The following VPS52 variants were observed in gnomAD, a reference collection of about 807,000 sequenced individuals.
VPS52 encodes the protein VPS52 subunit of GARP complex.
VPS52 carries 56 observed loss-of-function variants against 98.7 expected under a neutral mutation model. The observed-to-expected ratio is 0.57, with a 90% CI of 0.46 to 0.71. The LOEUF (loss-of-function observed/expected upper bound fraction) is 0.71, where lower values mean the gene tolerates loss of function less well. VPS52 is among the 30% of genes least tolerant of loss of function. The pLI is 0.00. For synonymous variants in VPS52, 348 were observed against 346.4 expected (o/e 1.00, Z -0.05); for missense variants, 742 against 925.9 (o/e 0.80, Z 2.58).
chr6:33,265,738 G>A (rs1197693320), intron 12 of VPS52, among the ~76,000 whole-genome samples: 5 of 152,184 alleles, frequency 3.3e-5, no homozygotes, highest in Admixed American at 6.6e-5. Context: ...TCAGGGGTTT[G>A]AGCACCAAGA....
At chr6:33,270,105 A>G (rs1764823022) in intron 2 of VPS52, 54 bp from the exon 3 acceptor site, 3 of 1,613,086 alleles carry the variant, frequency 1.9e-6, no homozygotes. Flanking sequence ...CTCTCCCCAC[A>G]TTGAGTATCT....
chr6:33,266,676 C>A lies in VPS52; in HGVS notation c.1162G>T (p.Ala388Ser). 1 of 1,612,004 alleles carries A rather than the reference C, an allele frequency of 6.2e-7. No individual in the cohort carries two copies. Residue 388 changes from alanine to serine, a missense_variant, in exon 12 of 20, where the codon GCC (alanine) becomes TCC (serine). Physicochemically the swap from Ala to Ser is moderately conservative, Grantham distance 99 (BLOSUM62 1). Around this residue, in one of 2 missense-constraint regions of VPS52, gnomAD observed 590 missense variants for 793.3 expected, o/e 0.74. Coordinates refer to ENST00000445902, the MANE Select transcript of VPS52 (RefSeq NM_022553.6). The part of the protein sequence containing the change: ...FEALFRSQHY[A>S]LLDNSCREYL... ...TCGCGGCAGGAATTGTCTAGGAGGGCGTAGTGCTGGCTGCGGAAGAGGGCC... is the reference window on the plus strand; with the variant it reads ...TCGCGGCAGGAATTGTCTAGGAGGGAGTAGTGCTGGCTGCGGAAGAGGGCC...
At chr6:33,252,081 C>A in intron 17 of VPS52, 110 bp from the exon 18 acceptor site, 1 of 875,810 alleles carries the variant, frequency 1.1e-6, no homozygotes, top group South Asian at 1.6e-5. Flanking sequence ...TCAGCTGCTG[C>A]AAAAGTTAAG....
chr6:33,259,018 C>G lies in VPS52; in HGVS notation c.1794+4466G>C, dbSNP rs1678372241. ...GACCCGGCAACGGATGAATGAGGTA[C>G]ACTGACACACAGATACTCTGCTTTG... On this transcript the variant is annotated intron_variant, in intron 17 of 19. Transcript: ENST00000445902. Among the ~76,000 whole-genome samples the G allele has an allele frequency of 1.3e-5, 2 of 152,180 alleles. 1 individual carries two copies. Among genetic ancestry groups the G allele is most frequent in the South Asian group, 4.1e-4 (2 of 4,832 alleles).
At chr6:33,265,455 C>CTGTTT (rs1360047329) in intron 12 of VPS52, among the ~76,000 whole-genome samples, 1 of 152,176 alleles carries the variant, frequency 6.6e-6, no homozygotes, top group East Asian at 1.9e-4. Context: ...CAGCCTCAAA[C>CTGTTT]ATCTGGGCTC....
At chr6:33,260,565 G>A (rs550491434) in intron 17 of VPS52, among the ~76,000 whole-genome samples, 32 of 152,114 alleles carry the variant, frequency 2.1e-4, no homozygotes, top group African/African-American at 3.1e-4. Context: ...TGTGCTTCTC[G>A]TGCACAGGTA....
chr6:33,268,504 C>A lies in VPS52; in HGVS notation c.694G>T (p.Val232Phe). The part of the protein sequence containing the change: ...DVRGVLDRLR[V>F]KAVTKIREFI... Reference sequence around the variant, plus strand: ...TATCCATCCCTACTTCCCACCTTGACCCGGAGCCGATCGAGCACGCCTCTG... The same window carrying A: ...TATCCATCCCTACTTCCCACCTTGAACCGGAGCCGATCGAGCACGCCTCTG... The change falls in exon 7 of 20, where the codon GTC (valine) becomes TTC (phenylalanine). Residue 232 changes from valine to phenylalanine, a missense_variant. Coordinates refer to ENST00000445902, the MANE Select transcript of VPS52 (RefSeq NM_022553.6). The surrounding 1 kb of genome is among the most constrained non-coding windows in gnomAD (Gnocchi z 4.0). 6.2e-7 allele frequency: 1 copy of A among 1,600,298 alleles called. No individual in the cohort carries two copies. Among genetic ancestry groups the A allele is most frequent in the Non-Finnish European group, 8.5e-7 (1 of 1,171,852 alleles).
chr6:33,253,351 G>A (rs1581548858), intron 17 of VPS52, among the ~76,000 whole-genome samples: 2 of 152,072 alleles, frequency 1.3e-5, no homozygotes, highest in East Asian at 1.9e-4. Flanking sequence ...TTAGCTGGGC[G>A]TGGTGGTGGG....
chr6:33,256,359 G>T (rs1488003333), intron 17 of VPS52, among the ~76,000 whole-genome samples: 1 of 150,492 alleles, frequency 6.6e-6, no homozygotes, highest in African/African-American at 2.4e-5. Flanking sequence ...TAGCTACTCG[G>T]GAGGCTGAGA....
At position 33,267,757 on chromosome 6, in the gene VPS52, A is replaced by C. The variant is rs1044117412; in HGVS notation, c.934-18T>G. 30 of 1,612,942 alleles carry C rather than the reference A, an allele frequency of 1.9e-5. No individual in the cohort carries two copies. The highest frequency in any genetic ancestry group is 2.7e-5 in the African/African-American group (2 of 74,908). On this transcript the variant is annotated intron_variant, in intron 9 of 19. Coordinates refer to ENST00000445902, the MANE Select transcript of VPS52 (RefSeq NM_022553.6). This position sits in a 1 kb window ranked among gnomAD's most constrained non-coding sequence, Gnocchi z 4.2. Reference sequence around the variant, plus strand: ...TCCTCATACTAAGGAAAGAGAAAAGAGAACTGATAACCGTCTCTTCCCACA... The same window carrying C: ...TCCTCATACTAAGGAAAGAGAAAAGCGAACTGATAACCGTCTCTTCCCACA...
chr6:33,264,538 T>A (rs571793573), intron 13 of VPS52, 41 bp from the exon 14 acceptor site: 17 of 1,611,844 alleles, frequency 1.1e-5, no homozygotes, highest in Non-Finnish European at 1.4e-5. Flanking sequence ...CAGCAAGGAA[T>A]GTTGGAGGGG....
Position 33,268,002 on chromosome 6 carries a change from G to A in VPS52, c.801-5C>T. ...AGCAGAAACTGATAGAAGAACCTAG[G>A]GGGTCAGGAACATGTCAGTCTACCT... On this transcript the variant is annotated splice_region_variant and splice_polypyrimidine_tract_variant and intron_variant, in intron 8 of 19. Transcript: ENST00000445902. This position sits in a 1 kb window ranked among gnomAD's most constrained non-coding sequence, Gnocchi z 4.0. 1.2e-6 allele frequency: 2 copies of A among 1,612,992 alleles called. No individual in the cohort carries two copies. Among genetic ancestry groups the A allele is most frequent in the Non-Finnish European group, 1.7e-6 (2 of 1,180,004 alleles).
At chr6:33,251,815 A>G in intron 18 of VPS52, 45 bp downstream of exon 18, 1 of 1,594,430 alleles carries the variant, frequency 6.3e-7, no homozygotes, top group Non-Finnish European at 8.6e-7. Flanking sequence ...TTTCTTTTCC[A>G]CTTCCCTTAC....
chr6:33,259,071 T>C lies in VPS52; in HGVS notation c.1794+4413A>G, dbSNP rs143904954. ...AGTCCAGCTGAGTGTGTCCAGGCTGTTTACAGACTCCCTGAAGAGTACTGT... is the reference window on the plus strand; with the variant it reads ...AGTCCAGCTGAGTGTGTCCAGGCTGCTTACAGACTCCCTGAAGAGTACTGT... On this transcript the variant is annotated intron_variant, in intron 17 of 19. Coordinates refer to ENST00000445902, the MANE Select transcript of VPS52 (RefSeq NM_022553.6). Among the ~76,000 whole-genome samples the C allele has an allele frequency of 2.9e-3, 441 of 152,224 alleles. 1 individual carries two copies. The highest frequency in any genetic ancestry group is 0.01 in the African/African-American group (418 of 41,534).
intron 16 of VPS52, 105 bp downstream of exon 16, chr6:33,263,667 A>G: frequency 6.3e-7 from 1 of 1,581,226 alleles, no homozygotes; most frequent in African/African-American, 1.3e-5. Flanking sequence ...TCCAAGAGTA[A>G]AACACTGAAC....
rs777906821 is a variant in VPS52, at chr6:33,250,868, C to T, written c.2145G>A (p.Glu715=). The change falls in exon 20 of 20, where the codon GAG becomes GAA. Residue 715 remains glutamate, a synonymous_variant. Coordinates refer to ENST00000445902, the MANE Select transcript of VPS52 (RefSeq NM_022553.6). ...AGAAGTTGGGCTTATGCTTCTTGAGCTCCACCATAAGGTGGTGAATGTTGA... is the reference window on the plus strand; with the variant it reads ...AGAAGTTGGGCTTATGCTTCTTGAGTTCCACCATAAGGTGGTGAATGTTGA... The part of the protein sequence containing the change: ...ELINIHHLMV[E]LKKHKPNF The T allele has an allele frequency of 6.2e-7, 1 of 1,612,636 alleles. No homozygotes were observed. Among genetic ancestry groups the T allele is most frequent in the South Asian group, 1.1e-5 (1 of 91,076 alleles).
chr6:33,256,560 C>T, intron 17 of VPS52, among the ~76,000 whole-genome samples: 1 of 140,564 alleles, frequency 7.1e-6, no homozygotes, highest in Non-Finnish European at 1.5e-5. Context: ...CATAAAGTAT[C>T]AATTCTTCCA....
At chr6:33,258,386 CAAAA>C (rs9280387) in intron 17 of VPS52, among the ~76,000 whole-genome samples, 1 of 88,732 alleles carries the variant, frequency 1.1e-5, no homozygotes, top group Non-Finnish European at 2.2e-5. Flanking sequence ...AACTCCATCT[CAAAA>C]AAAAAAAAAA....
intron 5 of VPS52, 32 bp from the exon 6 acceptor site, chr6:33,269,221 A>G: frequency 1.2e-6 from 2 of 1,611,464 alleles, no homozygotes; most frequent in Non-Finnish European, 1.7e-6. Flanking sequence ...CCGGAGTGCT[A>G]TAGGGTTTGT....
Sources: allele counts gnomAD v4.1 joint callset (sites outside exome capture counted in the v4.1 genomes callset), GRCh38; gene constraint gnomAD v4.1.1; regional missense constraint gnomAD v4.1.1; non-coding constraint Gnocchi (gnomAD v3.1); transcripts MANE v1.5; gene names NCBI Gene and HGNC (gene_info 2026-07-23, HGNC 2026-07-21).